NPAS3: variants seen among roughly 807,000 people sequenced by gnomAD.
NPAS3 encodes neuronal PAS domain protein 3.
Under a neutral mutation model 73.1 loss-of-function variants are expected in NPAS3, and 14 were observed. The observed-to-expected ratio is 0.19, with a 90% CI of 0.13 to 0.30. NPAS3 has a LOEUF of 0.30. NPAS3 is among the 10% of genes least tolerant of loss of function. The pLI is 1.00. For synonymous variants in NPAS3, 620 were observed against 541.5 expected (o/e 1.14, Z -2.01); for missense variants, 1,096 against 1,250.0 (o/e 0.88, Z 1.86).
At chr14:33,567,610 G>A (rs183027055) in intron 5 of NPAS3, among the ~76,000 whole-genome samples, 453 of 152,316 alleles carry the variant, frequency 3.0e-3, no homozygotes, top group Admixed American at 5.7e-3. Context: ...GGTTATGCTA[G>A]TAAATGCCAT....
chr14:32,948,751 C>A (rs1336823482), intron 1 of NPAS3, among the ~76,000 whole-genome samples: 1 of 152,076 alleles, frequency 6.6e-6, no homozygotes, highest in Non-Finnish European at 1.5e-5. Context: ...TAATATAGTT[C>A]TGTAGTCACC....
chr14:33,391,794 C>A (rs79868294), intron 4 of NPAS3, among the ~76,000 whole-genome samples: 104 of 152,224 alleles, frequency 6.8e-4, no homozygotes, highest in Non-Finnish European at 1.3e-3. Context: ...GTTTCCAGAA[C>A]TTCAGAGACA....
chr14:33,180,575 G>T (rs531376404), intron 2 of NPAS3, among the ~76,000 whole-genome samples: 7 of 151,920 alleles, frequency 4.6e-5, no homozygotes, highest in Non-Finnish European at 8.8e-5. Flanking sequence ...CGAGGCAGGC[G>T]GATCATGAGG....
At chr14:33,567,026 T>A (rs140436893) in intron 5 of NPAS3, among the ~76,000 whole-genome samples, 49 of 152,290 alleles carry the variant, frequency 3.2e-4, no homozygotes, top group Non-Finnish European at 5.7e-4. Flanking sequence ...TAATCGACAA[T>A]TTTTTTACGC....
At chr14:33,494,324 A>C (rs1470334916) in intron 4 of NPAS3, among the ~76,000 whole-genome samples, 2 of 152,168 alleles carry the variant, frequency 1.3e-5, no homozygotes, top group African/African-American at 4.8e-5. Flanking sequence ...GCAAGCATAG[A>C]AAAACACCTG....
intron 5 of NPAS3, among the ~76,000 whole-genome samples, chr14:33,615,097 A>G (rs1414557061): frequency 6.6e-6 from 1 of 152,158 alleles, no homozygotes; most frequent in Non-Finnish European, 1.5e-5. Context: ...GCATCGGTAC[A>G]AAGATGGCAA....
intron 2 of NPAS3, among the ~76,000 whole-genome samples, chr14:33,117,102 G>A (rs2043090776): frequency 6.6e-6 from 1 of 151,954 alleles, no homozygotes; most frequent in African/African-American, 2.4e-5. Flanking sequence ...TCGTATTTAT[G>A]GGGGTACAAT....
chr14:33,087,498 A>C (rs1595415119), intron 2 of NPAS3, among the ~76,000 whole-genome samples: 1 of 152,070 alleles, frequency 6.6e-6, no homozygotes, highest in African/African-American at 2.4e-5. Flanking sequence ...CTGCACTACA[A>C]CTATAAAAAA....
intron 5 of NPAS3, among the ~76,000 whole-genome samples, chr14:33,622,524 G>C (rs2058104814): frequency 6.6e-6 from 1 of 152,070 alleles, no homozygotes; most frequent in African/African-American, 2.4e-5. Context: ...AATAGTAAAA[G>C]GAACAAACAC....
At chr14:33,771,638 C>T (rs964675712) in intron 7 of NPAS3, among the ~76,000 whole-genome samples, 7 of 151,820 alleles carry the variant, frequency 4.6e-5, no homozygotes, top group Non-Finnish European at 7.4e-5. Flanking sequence ...GGTGAAACCC[C>T]GTCTCTACTA....
chr14:32,991,745 TA>T (rs2038343492), intron 1 of NPAS3, among the ~76,000 whole-genome samples: 2 of 152,112 alleles, frequency 1.3e-5, no homozygotes, highest in African/African-American at 4.8e-5. Flanking sequence ...CAGGGTTGGT[TA>T]AAAAAATATG....
chr14:33,357,303 A>G (rs748319366), intron 3 of NPAS3, among the ~76,000 whole-genome samples: 115 of 152,316 alleles, frequency 7.6e-4, no homozygotes, highest in Non-Finnish European at 1.2e-3. Context: ...CTGCTGGAAT[A>G]GGGCATGAGT....
intron 4 of NPAS3, among the ~76,000 whole-genome samples, chr14:33,394,990 G>A (rs1231594578): frequency 6.6e-6 from 1 of 152,120 alleles, no homozygotes; most frequent in Non-Finnish European, 1.5e-5. Context: ...AAAACCATTA[G>A]TAAATTCTAC....
rs1425846125 is a variant in NPAS3, at chr14:33,040,118, T to C, written c.51-15787T>C. ...GGATTCCAGGGTTAGGCTGTTAGGA[T>C]TGTGACTGACTAGAAGTGGCAGTAA... On this transcript the variant is annotated intron_variant, in intron 1 of 11. Coordinates refer to ENST00000356141, the Ensembl canonical transcript of NPAS3. Among the ~76,000 whole-genome samples, 6 of 152,192 alleles carry C rather than the reference T, an allele frequency of 3.9e-5. No individual in the cohort carries two copies. In the South Asian group the frequency reaches 1.0e-3, roughly 26 times the overall value.
intron 9 of NPAS3, among the ~76,000 whole-genome samples, chr14:33,784,837 G>A (rs1228886321): frequency 1.4e-4 from 18 of 131,664 alleles, no homozygotes; most frequent in East Asian, 1.3e-3. Context: ...CACAACCTCC[G>A]CCTCCCGAGT....
chr14:33,415,091 T>G (rs1300353580), intron 4 of NPAS3, among the ~76,000 whole-genome samples: 2 of 152,132 alleles, frequency 1.3e-5, no homozygotes, highest in African/African-American at 2.4e-5. Flanking sequence ...TCTGCCCTTA[T>G]GTTGTTTTAA....
chr14:33,199,820 G>T (rs187705615), intron 2 of NPAS3, among the ~76,000 whole-genome samples: 1 of 151,182 alleles, frequency 6.6e-6, no homozygotes, highest in Non-Finnish European at 1.5e-5. Context: ...ACTACTACTG[G>T]CTGTGTTGTT....
chr14:33,023,251 G>A (rs1216083062), intron 1 of NPAS3, among the ~76,000 whole-genome samples: 2 of 152,120 alleles, frequency 1.3e-5, no homozygotes, highest in African/African-American at 4.8e-5. Context: ...AAATCTGTCT[G>A]CAGTATTTTT....
intron 2 of NPAS3, among the ~76,000 whole-genome samples, chr14:33,106,941 GT>G (rs1041976259): frequency 8.1e-5 from 12 of 148,886 alleles, no homozygotes; most frequent in Non-Finnish European, 1.6e-4. Context: ...GCATGTGTTG[GT>G]TTGTTTGTAC....
Sources: allele counts gnomAD v4.1 joint callset (sites outside exome capture counted in the v4.1 genomes callset), GRCh38; gene constraint gnomAD v4.1.1; transcripts MANE v1.5; gene names NCBI Gene and HGNC (gene_info 2026-07-23, HGNC 2026-07-21).